Variants in FHIT observed in about 807,000 individuals in gnomAD.
FHIT encodes bis(5'-adenosyl)-triphosphatase.
Under a neutral mutation model 17.9 loss-of-function variants are expected in FHIT, and 19 were observed. That is an observed-to-expected ratio of 1.06 (90% confidence interval 0.74 to 1.56). FHIT has a LOEUF of 1.56. FHIT is among the 40% of genes most tolerant of loss of function. The pLI, the probability that FHIT is intolerant of heterozygous loss-of-function variation, is 0.00. For synonymous variants in FHIT, 81 were observed against 69.7 expected (o/e 1.16, Z -0.81); for missense variants, 248 against 189.2 (o/e 1.31, Z -1.82).
chr3:61,211,123 A>T (rs550766305), intron 1 of FHIT, among the ~76,000 whole-genome samples: 1 of 151,914 alleles, frequency 6.6e-6, no homozygotes, highest in East Asian at 2.0e-4. Context: ...TACCAGGTTC[A>T]TCTCACTAGG....
At chr3:59,776,839 T>A (rs1355111455) in intron 8 of FHIT, among the ~76,000 whole-genome samples, 3 of 152,316 alleles carry the variant, frequency 2.0e-5, no homozygotes, top group African/African-American at 7.2e-5. Context: ...ATGAGGAAAT[T>A]AAGGCACAAA....
chr3:59,886,042 C>G (rs755465253), intron 8 of FHIT, among the ~76,000 whole-genome samples: 73 of 152,332 alleles, frequency 4.8e-4, no homozygotes, highest in Non-Finnish European at 8.4e-4. Flanking sequence ...TGGGCAAGCT[C>G]TGATATGCAG....
At position 60,595,130 on chromosome 3, in the gene FHIT, G is replaced by A. The variant is rs141402384; in HGVS notation, c.-17-58151C>T. On this transcript the variant is annotated intron_variant, in intron 4 of 9. Coordinates refer to ENST00000492590, the MANE Select transcript of FHIT (RefSeq NM_002012.4). ...ACAGTCTGGCCTCACCAAGAAAAGGGAGCATTACAGATTGATTCATCTGCA... is the reference window on the plus strand; with the variant it reads ...ACAGTCTGGCCTCACCAAGAAAAGGAAGCATTACAGATTGATTCATCTGCA... 3.9e-3 allele frequency among the ~76,000 whole-genome samples: 587 copies of A among 152,166 alleles called. 3 individuals are homozygous for A. Among genetic ancestry groups the A allele is most frequent in the Non-Finnish European group, 6.5e-3 (439 of 68,002 alleles).
rs370534417 is a variant in FHIT at position 60,325,547 on chromosome 3, G to C, written c.103+211313C>G. ...AGCATCTAGAAATGCCTTCAGAGTT[G>C]GGTTTTTAAACTCTTCTCTAAATTT... On this transcript the variant is annotated intron_variant, in intron 5 of 9. Coordinates refer to ENST00000492590, the MANE Select transcript of FHIT (RefSeq NM_002012.4). 4.5e-4 allele frequency among the ~76,000 whole-genome samples: 68 copies of C among 152,108 alleles called. 2 individuals are homozygous for C. The South Asian group carries it at 0.014, about 31-fold the overall frequency.
intron 5 of FHIT, among the ~76,000 whole-genome samples, chr3:60,491,715 G>A (rs887810870): frequency 1.3e-5 from 2 of 152,076 alleles, no homozygotes; most frequent in Admixed American, 6.6e-5. Flanking sequence ...GGATTTAAAC[G>A]CATTTCATTT....
intron 3 of FHIT, among the ~76,000 whole-genome samples, chr3:60,964,908 CT>C (rs782811220): frequency 6.6e-6 from 1 of 152,076 alleles, no homozygotes; most frequent in Non-Finnish European, 1.5e-5. Flanking sequence ...AATTATGTGT[CT>C]TGGAGTTGCT....
intron 7 of FHIT, among the ~76,000 whole-genome samples, chr3:59,969,884 T>C (rs1447114325): frequency 6.6e-6 from 1 of 152,136 alleles, no homozygotes; most frequent in Non-Finnish European, 1.5e-5. Context: ...GAAAGGATCG[T>C]TGAAGTTAAC....
At chr3:60,399,721 G>A (rs886110805) in intron 5 of FHIT, among the ~76,000 whole-genome samples, 12 of 152,066 alleles carry the variant, frequency 7.9e-5, no homozygotes, top group Non-Finnish European at 1.6e-4. Flanking sequence ...ATACAAAGTA[G>A]GACACCATTT....
At chr3:60,324,889 T>C (rs1239746333) in intron 5 of FHIT, among the ~76,000 whole-genome samples, 1 of 152,186 alleles carries the variant, frequency 6.6e-6, no homozygotes, top group Non-Finnish European at 1.5e-5. Flanking sequence ...CAGATTCAAA[T>C]CTTTTTAAGG....
chr3:60,329,421 G>A (rs1159781096), intron 5 of FHIT, among the ~76,000 whole-genome samples: 1 of 152,026 alleles, frequency 6.6e-6, no homozygotes, highest in African/African-American at 2.4e-5. Context: ...CTTTACCAGT[G>A]GACAGAAAAG....
chr3:59,934,169 T>C (rs528361178), intron 7 of FHIT, among the ~76,000 whole-genome samples: 4 of 152,286 alleles, frequency 2.6e-5, no homozygotes, highest in African/African-American at 9.6e-5. Flanking sequence ...AGCACTTTCT[T>C]TGTAAGATCT....
At position 61,239,762 on chromosome 3, in the gene FHIT, C is replaced by CATATAT. The variant is rs72107416; in HGVS notation, c.-213+11533_-213+11538dup. ...AAAACTGCAAAGAAAAACAACTGGC[C>CATATAT]ATATATATATATATATATATATACA... is the stretch of plus-strand genomic sequence containing the variant. On this transcript the variant is annotated intron_variant, in intron 1 of 9. Transcript: ENST00000492590. 1.3e-3 allele frequency among the ~76,000 whole-genome samples: 142 copies of CATATAT among 108,274 alleles called. 3 individuals are homozygous for CATATAT. The highest frequency in any genetic ancestry group is 3.3e-3 in the African/African-American group (73 of 21,870). 71.0% of individuals were successfully genotyped at this position (108,274 alleles called of 152,430 possible).
At chr3:59,864,293 G>A (rs757172375) in intron 8 of FHIT, among the ~76,000 whole-genome samples, 3 of 152,072 alleles carry the variant, frequency 2.0e-5, no homozygotes, top group Non-Finnish European at 4.4e-5. Flanking sequence ...CTATTCTTTC[G>A]ATAGTGAAGA....
chr3:60,808,164 A>G (rs1553734925), intron 4 of FHIT, among the ~76,000 whole-genome samples: 1 of 152,236 alleles, frequency 6.6e-6, no homozygotes, highest in Non-Finnish European at 1.5e-5. Flanking sequence ...TGTCATTCTC[A>G]TCTGATGCTC....
intron 3 of FHIT, among the ~76,000 whole-genome samples, chr3:60,858,288 C>T (rs777711767): frequency 5.3e-5 from 8 of 152,078 alleles, no homozygotes; most frequent in Admixed American, 3.9e-4. Context: ...GAAAAACACA[C>T]TTTTAAGCAG....
intron 3 of FHIT, among the ~76,000 whole-genome samples, chr3:60,897,324 G>T (rs1705877841): frequency 6.6e-6 from 1 of 151,956 alleles, no homozygotes. Flanking sequence ...TTTTCTATCG[G>T]ATTTATGGTC....
chr3:60,335,103 A>G (rs1710170166), intron 5 of FHIT, among the ~76,000 whole-genome samples: 1 of 152,228 alleles, frequency 6.6e-6, no homozygotes, highest in Admixed American at 6.5e-5. Context: ...GGGTTGTTTT[A>G]TAACACTATA....
chr3:60,958,062 C>A (rs1486331218), intron 3 of FHIT, among the ~76,000 whole-genome samples: 6 of 152,184 alleles, frequency 3.9e-5, no homozygotes, highest in African/African-American at 1.4e-4. Flanking sequence ...CACTTAAAAT[C>A]TTTTACTCAG....
chr3:60,792,349 C>T (rs1380281136), intron 4 of FHIT, among the ~76,000 whole-genome samples: 1 of 149,440 alleles, frequency 6.7e-6, no homozygotes, highest in African/African-American at 2.5e-5. Flanking sequence ...GTTGTGTATA[C>T]ACACACACAC....
Sources: allele counts gnomAD v4.1 joint callset (sites outside exome capture counted in the v4.1 genomes callset), GRCh38; gene constraint gnomAD v4.1.1; transcripts MANE v1.5; gene names NCBI Gene and HGNC (gene_info 2026-07-23, HGNC 2026-07-21).